The following SOBP variants were observed in gnomAD, a reference collection of about 807,000 sequenced individuals.
SOBP encodes sine oculis binding protein homolog.
SOBP carries 4 observed loss-of-function variants against 53.6 expected under a neutral mutation model. The observed-to-expected ratio is 0.07, with a 90% confidence interval of 0.04 to 0.17. The LOEUF is 0.17. Among genes scored for constraint, SOBP ranks in the 10% least tolerant of loss-of-function variants. SOBP has a pLI of 1.00. For synonymous variants in SOBP, 584 were observed against 522.6 expected (o/e 1.12, Z -1.60); for missense variants, 1,088 against 1,204.7 (o/e 0.90, Z 1.43).
intron 6 of SOBP, among the ~76,000 whole-genome samples, chr6:107,647,235 A>G (rs1771597841): frequency 6.6e-6 from 1 of 152,200 alleles, no homozygotes; most frequent in Non-Finnish European, 1.5e-5. Flanking sequence ...AATGCATGAG[A>G]CTTAGCATTA....
chr6:107,623,356 A>G (rs1770299824), intron 5 of SOBP, among the ~76,000 whole-genome samples: 1 of 152,204 alleles, frequency 6.6e-6, no homozygotes, highest in African/African-American at 2.4e-5. Flanking sequence ...GTAGAAGTGG[A>G]TAGATCCGTA....
intron 1 of SOBP, among the ~76,000 whole-genome samples, chr6:107,495,508 G>A (rs1052714873): frequency 3.3e-5 from 5 of 152,068 alleles, no homozygotes; most frequent in African/African-American, 1.2e-4. Context: ...ACTTCCTCTC[G>A]AATCTGAAAT....
intron 4 of SOBP, among the ~76,000 whole-genome samples, chr6:107,559,288 G>A (rs952982810): frequency 4.5e-4 from 69 of 151,880 alleles, no homozygotes; most frequent in South Asian, 8.3e-4. Flanking sequence ...TACTTCCCAC[G>A]CTACACCGAC....
chr6:107,643,625 T>A (rs894330192), intron 6 of SOBP, among the ~76,000 whole-genome samples: 5 of 152,094 alleles, frequency 3.3e-5, no homozygotes, highest in African/African-American at 1.2e-4. Context: ...TTCACCCTGT[T>A]GGCTAGGATG....
intron 4 of SOBP, among the ~76,000 whole-genome samples, chr6:107,564,036 C>T (rs1207257057): frequency 1.3e-5 from 2 of 152,176 alleles, no homozygotes; most frequent in East Asian, 3.8e-4. Context: ...CCTTCAAATC[C>T]TGAGATTCTA....
intron 5 of SOBP, among the ~76,000 whole-genome samples, chr6:107,616,479 T>C (rs1394080490): frequency 6.6e-6 from 1 of 152,242 alleles, no homozygotes; most frequent in Non-Finnish European, 1.5e-5. Flanking sequence ...TCTAGCTTCC[T>C]CTCTGGTCAC....
At chr6:107,507,912 A>G (rs566175067) in intron 3 of SOBP, among the ~76,000 whole-genome samples, 1 of 152,190 alleles carries the variant, frequency 6.6e-6, no homozygotes, top group African/African-American at 2.4e-5. Flanking sequence ...GCTGAGCATT[A>G]TGTGATATTG....
chr6:107,540,736 G>A (rs1784127734), intron 4 of SOBP, among the ~76,000 whole-genome samples: 1 of 152,168 alleles, frequency 6.6e-6, no homozygotes, highest in South Asian at 2.1e-4. Flanking sequence ...GATGGCTGGG[G>A]ATGGAAGTCC....
At chr6:107,496,122 C>G (rs1782693619) in intron 1 of SOBP, among the ~76,000 whole-genome samples, 1 of 152,146 alleles carries the variant, frequency 6.6e-6, no homozygotes, top group Admixed American at 6.5e-5. Context: ...GTGTTAATAT[C>G]TCTTATATAA....
At chr6:107,522,568 G>T (rs1321861665) in intron 3 of SOBP, among the ~76,000 whole-genome samples, 1 of 98,044 alleles carries the variant, frequency 1.0e-5, no homozygotes, top group Non-Finnish European at 2.2e-5. Flanking sequence ...TTGTGGCAAG[G>T]TCTCATTTTG....
intron 6 of SOBP, among the ~76,000 whole-genome samples, chr6:107,656,301 AAG>A (rs779859391): frequency 3.9e-5 from 2 of 51,396 alleles, no homozygotes; most frequent in African/African-American, 6.1e-5. Context: ...GAAAGAAAGA[AAG>A]AAAGAAAGAA....
intron 1 of SOBP, among the ~76,000 whole-genome samples, chr6:107,502,456 A>G (rs1028680771): frequency 1.3e-5 from 2 of 152,232 alleles, no homozygotes; most frequent in African/African-American, 4.8e-5. Flanking sequence ...TTCCAGATAT[A>G]GCAATTGATA....
intron 6 of SOBP, among the ~76,000 whole-genome samples, chr6:107,639,465 T>A (rs1464480568): frequency 6.6e-6 from 1 of 152,222 alleles, no homozygotes; most frequent in African/African-American, 2.4e-5. Flanking sequence ...TAAGTTTAGT[T>A]GAAGATTTTA....
Position 107,490,400 on chromosome 6 carries a change from C to G in SOBP, c.-217C>G. On this transcript the variant is annotated 5_prime_UTR_variant, in exon 1 of 7. Transcript: ENST00000317357. ...CATCCCCGAGACTCTCCGCACTATC[C>G]TTACCCGTGACAGCCACTGACGTCC... 2.1e-6 allele frequency: 1 copy of G among 467,302 alleles called. No homozygotes were observed. The highest frequency in any genetic ancestry group is 2.0e-5 in the South Asian group (1 of 50,082). The allele number at this position is 467,302 out of a possible 1,614,324, so 28.9% of individuals were successfully genotyped here. A position where few individuals can be genotyped will look rare whatever the true frequency, so the allele number is the denominator to read the frequency against.
At chr6:107,603,049 T>C (rs546633082) in intron 5 of SOBP, among the ~76,000 whole-genome samples, 2 of 152,164 alleles carry the variant, frequency 1.3e-5, no homozygotes, top group East Asian at 3.9e-4. Context: ...TTAATGGCTG[T>C]CCATCAGAAT....
At chr6:107,578,483 G>T (rs990389833) in intron 4 of SOBP, among the ~76,000 whole-genome samples, 1 of 152,128 alleles carries the variant, frequency 6.6e-6, no homozygotes, top group Non-Finnish European at 1.5e-5. Flanking sequence ...AGACTGCCTG[G>T]GTTTGAATCC....
chr6:107,532,774 A>G (rs1166162066), intron 3 of SOBP, among the ~76,000 whole-genome samples: 1 of 152,140 alleles, frequency 6.6e-6, no homozygotes, highest in East Asian at 1.9e-4. Context: ...CATCACATGG[A>G]GGAGAATTTC....
intron 3 of SOBP, chr6:107,511,473 C>T (rs1222570570): frequency 1.3e-5 from 2 of 152,242 alleles, no homozygotes; most frequent in Non-Finnish European, 2.9e-5. Context: ...AGGCGAGTTG[C>T]TTCTCTTTGA....
chr6:107,614,140 G>A (rs1435959843), intron 5 of SOBP, among the ~76,000 whole-genome samples: 4 of 152,160 alleles, frequency 2.6e-5, no homozygotes, highest in Non-Finnish European at 5.9e-5. Context: ...AGTGGCTCAC[G>A]CCTAAAATCC....
Sources: gnomAD v4.1 joint callset for allele counts (sites outside exome capture counted in the v4.1 genomes callset) on GRCh38, gnomAD v4.1.1 for gene constraint, MANE v1.5 for transcripts, NCBI Gene and HGNC (gene_info 2026-07-23, HGNC 2026-07-21) for gene names.